Variants in CNTNAP2 observed in about 807,000 individuals in gnomAD.
CNTNAP2 encodes contactin associated protein 2, also known as contactin-associated protein-like 2.
A neutral mutation model predicts 155.2 loss-of-function variants in CNTNAP2; 98 were observed. The observed-to-expected ratio is 0.63, with a 90% CI of 0.54 to 0.75. CNTNAP2 has a LOEUF of 0.75. Among genes scored for constraint, CNTNAP2 ranks in the 30% least tolerant of loss-of-function variants. The pLI is 0.00. For synonymous variants in CNTNAP2, 651 were observed against 631.2 expected (o/e 1.03, Z -0.47); for missense variants, 1,727 against 1,688.1 (o/e 1.02, Z -0.40).
intron 3 of CNTNAP2, among the ~76,000 whole-genome samples, chr7:146,959,912 A>G (rs1797521613): frequency 6.6e-6 from 1 of 152,210 alleles, no homozygotes. Context: ...AGGGATTCCA[A>G]CTTTAGACTA....
At chr7:146,566,061 A>G (rs1269966818) in intron 1 of CNTNAP2, among the ~76,000 whole-genome samples, 2 of 152,244 alleles carry the variant, frequency 1.3e-5, no homozygotes, top group Non-Finnish European at 2.9e-5. Context: ...ATTGAGGCAC[A>G]GTGGGCCAGA....
chr7:147,220,424 A>G (rs1803371660), intron 8 of CNTNAP2, among the ~76,000 whole-genome samples: 1 of 152,204 alleles, frequency 6.6e-6, no homozygotes, highest in Non-Finnish European at 1.5e-5. Context: ...TTCTTGATTC[A>G]TTCTGACAAT....
chr7:147,352,201 A>G (rs1795978739), intron 9 of CNTNAP2, among the ~76,000 whole-genome samples: 1 of 151,944 alleles, frequency 6.6e-6, no homozygotes, highest in Non-Finnish European at 1.5e-5. Context: ...ACATAATGTT[A>G]GTTTTATGTA....
intron 1 of CNTNAP2, among the ~76,000 whole-genome samples, chr7:146,168,665 A>G (rs1798347126): frequency 6.6e-6 from 1 of 152,166 alleles, no homozygotes; most frequent in African/African-American, 2.4e-5. Context: ...TCTGGATTTC[A>G]AACACTTCTC....
intron 1 of CNTNAP2, among the ~76,000 whole-genome samples, chr7:146,758,208 C>A (rs1317283767): frequency 6.6e-6 from 1 of 152,176 alleles, no homozygotes; most frequent in African/African-American, 2.4e-5. Flanking sequence ...ATCAAACTGA[C>A]TTTTTGTAGC....
intron 1 of CNTNAP2, among the ~76,000 whole-genome samples, chr7:146,491,913 C>A (rs1797146085): frequency 6.6e-6 from 1 of 151,932 alleles, no homozygotes; most frequent in Non-Finnish European, 1.5e-5. Context: ...GAAAGTGATA[C>A]CTCCCTGAAA....
At chr7:147,494,466 G>T (rs1798660818) in intron 11 of CNTNAP2, among the ~76,000 whole-genome samples, 1 of 30,526 alleles carries the variant, frequency 3.3e-5, no homozygotes, top group Non-Finnish European at 6.1e-5. Flanking sequence ...TTTGAGTCTT[G>T]GCAAAAAAAA....
intron 15 of CNTNAP2, among the ~76,000 whole-genome samples, chr7:148,033,680 G>T (rs1802523113): frequency 6.6e-6 from 1 of 152,096 alleles, no homozygotes; most frequent in South Asian, 2.1e-4. Flanking sequence ...AATTAGAATT[G>T]AGCATTAACA....
chr7:146,544,536 C>T (rs541432411), intron 1 of CNTNAP2, among the ~76,000 whole-genome samples: 3 of 151,882 alleles, frequency 2.0e-5, no homozygotes, highest in South Asian at 4.1e-4. Context: ...TCTTTTTTCC[C>T]CCATAGAAAT....
At chr7:146,911,307 T>C (rs1465305870) in intron 3 of CNTNAP2, among the ~76,000 whole-genome samples, 3 of 152,216 alleles carry the variant, frequency 2.0e-5, no homozygotes, top group South Asian at 2.1e-4. Context: ...TATTACTGGG[T>C]ATATACCCAA....
intron 3 of CNTNAP2, among the ~76,000 whole-genome samples, chr7:146,902,342 C>T (rs1265785024): frequency 1.3e-5 from 2 of 152,100 alleles, no homozygotes; most frequent in Admixed American, 6.6e-5. Flanking sequence ...TTGAAATATA[C>T]TTTGTTTCTT....
At chr7:148,098,635 T>A (rs1804023518) in intron 15 of CNTNAP2, among the ~76,000 whole-genome samples, 1 of 151,936 alleles carries the variant, frequency 6.6e-6, no homozygotes, top group African/African-American at 2.4e-5. Flanking sequence ...GCCCAGGAGT[T>A]TGAGTCCAGC....
intron 13 of CNTNAP2, among the ~76,000 whole-genome samples, chr7:147,902,808 GTGTGTA>G (rs1169678415): frequency 4.0e-3 from 520 of 130,744 alleles, no homozygotes; most frequent in South Asian, 9.5e-3. Flanking sequence ...GTGTGTGTGT[GTGTGTA>G]TGTGTGTGTG....
chr7:147,650,415 G>A (rs1795432053), intron 13 of CNTNAP2, among the ~76,000 whole-genome samples: 1 of 152,024 alleles, frequency 6.6e-6, no homozygotes, highest in African/African-American at 2.4e-5. Context: ...CTTACATGTG[G>A]ATTTCTTCTG....
intron 1 of CNTNAP2, among the ~76,000 whole-genome samples, chr7:146,210,210 C>T (rs1799011708): frequency 6.6e-6 from 1 of 152,088 alleles, no homozygotes; most frequent in African/African-American, 2.4e-5. Flanking sequence ...GCTCATTCTG[C>T]AGCCTTTGTT....
intron 1 of CNTNAP2, among the ~76,000 whole-genome samples, chr7:146,745,852 C>T (rs1801801841): frequency 6.6e-6 from 1 of 151,908 alleles, no homozygotes; most frequent in African/African-American, 2.4e-5. Context: ...GAAACTATGG[C>T]ATATGTGCAG....
intron 21 of CNTNAP2, among the ~76,000 whole-genome samples, chr7:148,322,045 C>T (rs1797797645): frequency 1.3e-5 from 2 of 151,908 alleles, no homozygotes; most frequent in South Asian, 4.2e-4. Context: ...TCCCCCACCC[C>T]AACTAGCTGG....
intron 1 of CNTNAP2, among the ~76,000 whole-genome samples, chr7:146,404,408 A>G (rs1040961690): frequency 6.6e-6 from 1 of 152,142 alleles, no homozygotes; most frequent in Admixed American, 6.5e-5. Flanking sequence ...TGTGCGTTTT[A>G]GCAGGTGCAG....
intron 13 of CNTNAP2, among the ~76,000 whole-genome samples, chr7:147,668,472 A>G (rs1043881866): frequency 2.0e-5 from 3 of 152,214 alleles, no homozygotes; most frequent in African/African-American, 7.2e-5. Flanking sequence ...CAGCAGCTCC[A>G]TGGGTGTCAG....
Sources: gnomAD v4.1 joint callset for allele counts (sites outside exome capture counted in the v4.1 genomes callset) on GRCh38, gnomAD v4.1.1 for gene constraint, MANE v1.5 for transcripts, NCBI Gene and HGNC (gene_info 2026-07-23, HGNC 2026-07-21) for gene names.